The following LMO7 variants were observed in gnomAD, a reference collection of about 807,000 sequenced individuals.
LMO7 encodes LIM domain only protein 7.
In LMO7, 120 loss-of-function variants were observed where a neutral mutation model predicts 206.5. The ratio of observed to expected loss-of-function variants is 0.58; its 90% confidence interval spans 0.50 to 0.68. LMO7 has a LOEUF of 0.68. LMO7 is among the 30% of genes least tolerant of loss of function. The pLI, the probability that LMO7 is intolerant of heterozygous loss-of-function variation, is 0.00. For synonymous variants in LMO7, 706 were observed against 681.5 expected (o/e 1.04, Z -0.56); for missense variants, 1,959 against 1,957.9 (o/e 1.00, Z -0.01).
chr13:75,772,989 A>T (rs75634228), intron 4 of LMO7, among the ~76,000 whole-genome samples: 12 of 151,904 alleles, frequency 7.9e-5, no homozygotes, highest in Admixed American at 2.6e-4. Context: ...TTTAGATAAT[A>T]AAAAAAAGTG....
intron 1 of LMO7, among the ~76,000 whole-genome samples, chr13:75,660,183 A>G (rs987621668): frequency 6.6e-6 from 1 of 152,248 alleles, no homozygotes; most frequent in African/African-American, 2.4e-5. Flanking sequence ...AATAGCAGCA[A>G]TCAAATAGAG....
chr13:75,838,052 G>T lies in LMO7; in HGVS notation c.3395-88G>T, dbSNP rs1226747748. The T allele has an allele frequency of 9.4e-6, 7 of 742,262 alleles. No homozygotes were observed. The Admixed American group carries it at 1.5e-4, about 15-fold the overall frequency. 46.0% of individuals were successfully genotyped at this position (742,262 alleles called of 1,614,324 possible). On this transcript the variant is annotated intron_variant, in intron 19 of 30. Coordinates refer to ENST00000377534, the MANE Select transcript of LMO7 (RefSeq NM_001306080.2). ...GATCTTTTAAAATAATATTGCTACA[G>T]ATTGGAAAGGTATATCAAGTATCGT...
chr13:75,809,658 G>T (rs1432465076), intron 11 of LMO7, among the ~76,000 whole-genome samples: 1 of 151,986 alleles, frequency 6.6e-6, no homozygotes, highest in African/African-American at 2.4e-5. Context: ...TGGGAGCTTC[G>T]TTAGTAGGGA....
intron 15 of LMO7, among the ~76,000 whole-genome samples, chr13:75,830,318 TCTTA>T (rs761731432): frequency 2.0e-5 from 3 of 152,202 alleles, no homozygotes; most frequent in Non-Finnish European, 4.4e-5. Flanking sequence ...GCTCTGGAAC[TCTTA>T]CTTTGAAACC....
chr13:75,836,005 T>A (rs1422558638), intron 18 of LMO7, among the ~76,000 whole-genome samples: 1 of 152,188 alleles, frequency 6.6e-6, no homozygotes, highest in African/African-American at 2.4e-5. Context: ...TGTTATCATC[T>A]CAAGGTATAA....
intron 3 of LMO7, among the ~76,000 whole-genome samples, chr13:75,749,637 C>T (rs2047117947): frequency 6.6e-6 from 1 of 152,166 alleles, no homozygotes; most frequent in Non-Finnish European, 1.5e-5. Context: ...GTTGGTTTGG[C>T]TGTTGCTCCA....
chr13:75,745,337 T>C (rs1162467142), intron 3 of LMO7, among the ~76,000 whole-genome samples: 1 of 152,190 alleles, frequency 6.6e-6, no homozygotes, highest in African/African-American at 2.4e-5. Context: ...TTGCCTGTGA[T>C]GAAGGATGCA....
intron 1 of LMO7, among the ~76,000 whole-genome samples, chr13:75,690,389 C>T (rs1028249927): frequency 2.0e-5 from 3 of 152,122 alleles, no homozygotes; most frequent in Non-Finnish European, 2.9e-5. Context: ...GTCACCAGGA[C>T]CCCACGCTCT....
intron 1 of LMO7, among the ~76,000 whole-genome samples, chr13:75,711,993 A>C (rs1363401265): frequency 2.0e-5 from 3 of 152,208 alleles, no homozygotes; most frequent in African/African-American, 7.2e-5. Context: ...GCTCCTGTCC[A>C]AATGTATAGA....
intron 1 of LMO7, among the ~76,000 whole-genome samples, chr13:75,655,150 C>T (rs1379211669): frequency 6.6e-6 from 1 of 152,182 alleles, no homozygotes; most frequent in Non-Finnish European, 1.5e-5. Flanking sequence ...GGATTACAGG[C>T]GTGAGCCACT....
At chr13:75,670,786 T>TA (rs2039492851) in intron 1 of LMO7, among the ~76,000 whole-genome samples, 1 of 152,132 alleles carries the variant, frequency 6.6e-6, no homozygotes, top group South Asian at 2.1e-4. Context: ...ACTAAATTTA[T>TA]AAAAAATGAT....
intron 6 of LMO7, among the ~76,000 whole-genome samples, chr13:75,797,369 T>A (rs2054163878): frequency 6.6e-6 from 1 of 152,238 alleles, no homozygotes; most frequent in Admixed American, 6.5e-5. Context: ...GAGGATCATT[T>A]GCAGAGAGCC....
intron 2 of LMO7, among the ~76,000 whole-genome samples, chr13:75,721,358 T>G (rs569992414): frequency 1.2e-4 from 18 of 152,080 alleles, no homozygotes; most frequent in African/African-American, 4.3e-4. Flanking sequence ...AAATGCCAGG[T>G]TTTTTTTGCT....
At chr13:75,711,685 C>G (rs960280393) in intron 1 of LMO7, among the ~76,000 whole-genome samples, 1 of 152,194 alleles carries the variant, frequency 6.6e-6, no homozygotes, top group Non-Finnish European at 1.5e-5. Flanking sequence ...CAGAAATCAC[C>G]CGTCTTCTGC....
chr13:75,793,876 T>A (rs980282386), intron 4 of LMO7, among the ~76,000 whole-genome samples: 8 of 152,044 alleles, frequency 5.3e-5, no homozygotes, highest in Middle Eastern at 3.4e-3. Context: ...AGCATTTTTT[T>A]ATTCAGCCTG....
At chr13:75,720,624 G>A (rs956820330) in intron 2 of LMO7, among the ~76,000 whole-genome samples, 29 of 152,134 alleles carry the variant, frequency 1.9e-4, no homozygotes, top group African/African-American at 6.3e-4. Flanking sequence ...CAGAATAAGA[G>A]GTATCTGCCC....
intron 1 of LMO7, among the ~76,000 whole-genome samples, chr13:75,665,344 T>C (rs563151679): frequency 6.6e-6 from 1 of 152,220 alleles, no homozygotes; most frequent in East Asian, 1.9e-4. Context: ...TATAGTATAC[T>C]TATTTTTTAA....
At chr13:75,642,613 A>G (rs1349896940) in intron 1 of LMO7, among the ~76,000 whole-genome samples, 2 of 152,000 alleles carry the variant, frequency 1.3e-5, no homozygotes, top group African/African-American at 2.4e-5. Context: ...TAAAAAGTAA[A>G]TAAATAAATA....
chr13:75,653,477 C>T (rs1351233769), intron 1 of LMO7, among the ~76,000 whole-genome samples: 5 of 152,200 alleles, frequency 3.3e-5, no homozygotes, highest in Non-Finnish European at 7.3e-5. Context: ...GGTGCCAAAC[C>T]ATACAGCACC....
Sources: gnomAD v4.1 joint callset for allele counts (sites outside exome capture counted in the v4.1 genomes callset) on GRCh38, gnomAD v4.1.1 for gene constraint, MANE v1.5 for transcripts, NCBI Gene and HGNC (gene_info 2026-07-23, HGNC 2026-07-21) for gene names.